The following TNS3 variants were observed in gnomAD, a reference collection of about 807,000 sequenced individuals.
TNS3 encodes the protein tensin-3.
TNS3 carries 45 observed loss-of-function variants against 140.9 expected under a neutral mutation model. The observed-to-expected ratio is 0.32, with a 90% CI of 0.25 to 0.41. The LOEUF (loss-of-function observed/expected upper bound fraction) is 0.41. Among genes scored for constraint, TNS3 ranks in the 10% least tolerant of loss-of-function variants. TNS3 has a pLI of 1.00. For missense variants in TNS3, 1,716 were observed against 1,906.7 expected (o/e 0.90, Z 1.86); for synonymous variants, 815 against 788.4 (o/e 1.03, Z -0.56).
intron 4 of TNS3, among the ~76,000 whole-genome samples, chr7:47,446,688 C>CTGTTTTTTTT (rs1795750873): frequency 1.0e-5 from 1 of 96,680 alleles, no homozygotes. Flanking sequence ...TCCAGGCTGC[C>CTGTTTTTTTT]TTTTTTTTTT....
intron 9 of TNS3, among the ~76,000 whole-genome samples, chr7:47,425,159 A>C (rs757502576): frequency 1.3e-4 from 20 of 152,184 alleles, no homozygotes; most frequent in Non-Finnish European, 1.5e-4. Flanking sequence ...GCTCTACTGA[A>C]AATAAAAATT....
At chr7:47,324,558 C>T (rs569209464) in intron 20 of TNS3, among the ~76,000 whole-genome samples, 17 of 152,170 alleles carry the variant, frequency 1.1e-4, no homozygotes, top group Non-Finnish European at 1.2e-4. Context: ...TTGAGACCAG[C>T]CTGGCCAACA....
intron 3 of TNS3, among the ~76,000 whole-genome samples, chr7:47,504,787 G>C (rs1562812555): frequency 6.6e-6 from 1 of 152,188 alleles, no homozygotes; most frequent in Admixed American, 6.5e-5. Flanking sequence ...TTTTTGGAAT[G>C]AGAAGGTGCT....
At chr7:47,422,053 G>A (rs1330360284) in intron 10 of TNS3, among the ~76,000 whole-genome samples, 2 of 152,122 alleles carry the variant, frequency 1.3e-5, no homozygotes, top group Non-Finnish European at 1.5e-5. Flanking sequence ...GTCCTCACAC[G>A]TTCTTCTGGT....
chr7:47,516,073 G>T, intron 2 of TNS3, among the ~76,000 whole-genome samples: 1 of 152,180 alleles, frequency 6.6e-6, no homozygotes, highest in Non-Finnish European at 1.5e-5. Context: ...CTATGTAAAG[G>T]GAATACCTTG....
intron 16 of TNS3, among the ~76,000 whole-genome samples, chr7:47,390,848 C>T (rs112482751): frequency 1.3e-5 from 2 of 152,310 alleles, no homozygotes; most frequent in African/African-American, 2.4e-5. Context: ...TCCAGGCCTC[C>T]GTCAGTTCTT....
chr7:47,399,374 A>T (rs1050153970), intron 15 of TNS3, among the ~76,000 whole-genome samples: 1 of 152,230 alleles, frequency 6.6e-6, no homozygotes, highest in Non-Finnish European at 1.5e-5. Flanking sequence ...GGCCAAAGCA[A>T]TCCTAAAAAC....
intron 3 of TNS3, among the ~76,000 whole-genome samples, chr7:47,487,007 A>C (rs1213956186): frequency 2.0e-5 from 3 of 152,212 alleles, no homozygotes; most frequent in African/African-American, 4.8e-5. Flanking sequence ...TGAAGTAAGG[A>C]CTGAAGAGAG....
rs35835302 is a variant in TNS3, at chr7:47,356,923, C to CAAA, written c.2282-10570_2282-10568dup. Among the ~76,000 whole-genome samples, 623 of 131,846 alleles carry CAAA rather than the reference C, an allele frequency of 4.7e-3. 3 individuals carry two copies. Among genetic ancestry groups the CAAA allele is most frequent in the Middle Eastern group, 0.02 (5 of 256 alleles). The allele number at this position is 131,846 out of a possible 152,430, so 86.5% of individuals were successfully genotyped here. A position where few individuals can be genotyped will look rare whatever the true frequency, so the allele number is the denominator to read the frequency against. On this transcript the variant is annotated intron_variant, in intron 17 of 30. Coordinates refer to ENST00000311160, the MANE Select transcript of TNS3 (RefSeq NM_022748.12). ...GAAACCCAGTCTCTACAGAAAAATA[C>CAAA]AAAAAAAAAAAAAAATGATCCAGGC...
At chr7:47,464,399 G>A (rs191027184) in intron 4 of TNS3, among the ~76,000 whole-genome samples, 65 of 152,258 alleles carry the variant, frequency 4.3e-4, no homozygotes, top group Non-Finnish European at 6.6e-4. Flanking sequence ...ATAAACGTCA[G>A]GTCACCCAAA....
chr7:47,449,841 G>C (rs1795932253), intron 4 of TNS3, among the ~76,000 whole-genome samples: 1 of 152,138 alleles, frequency 6.6e-6, no homozygotes, highest in Admixed American at 6.5e-5. Context: ...CCTGACCTCA[G>C]GTGATATGCC....
intron 19 of TNS3, 34 bp from the exon 20 acceptor site, chr7:47,344,872 A>T: frequency 6.2e-7 from 1 of 1,613,364 alleles, no homozygotes; most frequent in East Asian, 2.2e-5. Context: ...GGCTGTTGTC[A>T]CCCTCCTTGG....
At chr7:47,301,706 C>A (rs952936622) in intron 23 of TNS3, among the ~76,000 whole-genome samples, 1 of 151,140 alleles carries the variant, frequency 6.6e-6, no homozygotes, top group African/African-American at 2.4e-5. Context: ...GTGAGGCATG[C>A]GGCTAAGTCC....
chr7:47,327,299 G>C (rs542924083), intron 20 of TNS3, among the ~76,000 whole-genome samples: 1 of 152,164 alleles, frequency 6.6e-6, no homozygotes, highest in Non-Finnish European at 1.5e-5. Context: ...ACATGAACTC[G>C]TTTAGAAATA....
chr7:47,418,392 A>C (rs1794195675), intron 10 of TNS3, among the ~76,000 whole-genome samples: 1 of 152,242 alleles, frequency 6.6e-6, no homozygotes, highest in African/African-American at 2.4e-5. Flanking sequence ...GATCAACTTT[A>C]ACTTCGTATA....
At chr7:47,387,172 T>A (rs185286212) in intron 16 of TNS3, among the ~76,000 whole-genome samples, 14 of 152,352 alleles carry the variant, frequency 9.2e-5, no homozygotes, top group African/African-American at 3.4e-4. Context: ...TGCCCAACTT[T>A]CAATAGCAGA....
In TNS3 at chr7:47,334,600, C is replaced by A. The variant is rs145927375; in HGVS notation, c.2650+10155G>T. Among the ~76,000 whole-genome samples the A allele has an allele frequency of 5.2e-3, 746 of 144,374 alleles. 7 individuals are homozygous for A. Among genetic ancestry groups the A allele is most frequent in the African/African-American group, 0.018 (693 of 39,142 alleles). The allele number at this position is 144,374 out of a possible 152,430, so 94.7% of individuals were successfully genotyped here. ...TGGAAGCTGAGATGTATCAGAACCA[C>A]GACTCTTTTTTTTTTTTTTTTTTTT... On this transcript the variant is annotated intron_variant, in intron 20 of 30. Coordinates refer to ENST00000311160, the MANE Select transcript of TNS3 (RefSeq NM_022748.12).
intron 3 of TNS3, among the ~76,000 whole-genome samples, chr7:47,486,483 C>A (rs1436749490): frequency 6.6e-6 from 1 of 152,164 alleles, no homozygotes; most frequent in African/African-American, 2.4e-5. Flanking sequence ...TGAATGAAAG[C>A]ACTTCAGCTA....
At position 47,322,539 on chromosome 7, in the gene TNS3, A is replaced by ACACAC. The variant is rs1554293727; in HGVS notation, c.2651-17537_2651-17536insGTGTG. Among the ~76,000 whole-genome samples, 327 of 151,062 alleles carry ACACAC rather than the reference A, an allele frequency of 2.2e-3. 1 individual carries two copies. The highest frequency in any genetic ancestry group is 7.2e-3 in the African/African-American group (298 of 41,168). On this transcript the variant is annotated intron_variant, in intron 20 of 30. Transcript: ENST00000311160. Reference sequence around the variant, plus strand: ...TCCGTATCAAACAAACAAACAAACAAACACACACACACACACAATCAAAAA... The same window carrying ACACAC: ...TCCGTATCAAACAAACAAACAAACAACACACACACACACACACACACAATCAAAAA...
Sources: allele counts gnomAD v4.1 joint callset (sites outside exome capture counted in the v4.1 genomes callset), GRCh38; gene constraint gnomAD v4.1.1; transcripts MANE v1.5; gene names NCBI Gene and HGNC (gene_info 2026-07-23, HGNC 2026-07-21).